Variants in NRG1 observed in about 807,000 individuals in gnomAD.
NRG1 encodes neuregulin 1.
NRG1 carries 18 observed loss-of-function variants against 63.8 expected under a neutral mutation model. The observed-to-expected ratio is 0.28, with a 90% CI of 0.19 to 0.42. The LOEUF (loss-of-function observed/expected upper bound fraction) is 0.42, where lower values mean the gene tolerates loss of function less well. NRG1 is among the 10% of genes least tolerant of loss of function. The probability of loss-of-function intolerance (pLI) is 1.00; values close to 1 mark genes in which losing one functional copy is unlikely to be tolerated. For synonymous variants in NRG1, 302 were observed against 301.3 expected (o/e 1.00, Z -0.02); for missense variants, 762 against 814.7 (o/e 0.94, Z 0.79).
At chr8:32,723,087 T>C (rs767162320) in intron 5 of NRG1, among the ~76,000 whole-genome samples, 3 of 152,188 alleles carry the variant, frequency 2.0e-5, no homozygotes, top group Non-Finnish European at 4.4e-5. Context: ...ATAGTAACAG[T>C]ATCATATATT....
At chr8:31,925,580 T>C (rs562091647) in intron 1 of NRG1, among the ~76,000 whole-genome samples, 2 of 152,260 alleles carry the variant, frequency 1.3e-5, no homozygotes, top group East Asian at 1.9e-4. Context: ...TATCTCTCCA[T>C]AGCTTTTGGG....
intron 1 of NRG1, among the ~76,000 whole-genome samples, chr8:32,001,491 G>A (rs1029361499): frequency 6.6e-6 from 1 of 151,956 alleles, no homozygotes; most frequent in African/African-American, 2.4e-5. Flanking sequence ...TCTTAGGTAA[G>A]TCTTTAATGG....
chr8:32,138,735 T>C (rs564445060), intron 1 of NRG1, among the ~76,000 whole-genome samples: 2 of 152,182 alleles, frequency 1.3e-5, no homozygotes, highest in East Asian at 3.9e-4. Context: ...GCTAACTTTC[T>C]TGTATTTTTT....
intron 1 of NRG1, among the ~76,000 whole-genome samples, chr8:32,253,785 C>A (rs1427213321): frequency 2.0e-5 from 3 of 152,124 alleles, no homozygotes; most frequent in Non-Finnish European, 4.4e-5. Context: ...CCTCTTTGTA[C>A]CTCTGGTAGA....
chr8:31,752,611 C>A (rs1586153988), intron 1 of NRG1, among the ~76,000 whole-genome samples: 1 of 152,034 alleles, frequency 6.6e-6, no homozygotes, highest in South Asian at 2.1e-4. Flanking sequence ...GAAGTCACAG[C>A]CGTTGGGATT....
intron 1 of NRG1, among the ~76,000 whole-genome samples, chr8:31,807,946 C>T (rs1189775137): frequency 4.3e-5 from 3 of 69,392 alleles, no homozygotes; most frequent in Admixed American, 1.6e-4. Context: ...CAAGAGTATT[C>T]GCGTGTGTGT....
At chr8:32,643,943 A>G (rs1852937249) in intron 5 of NRG1, among the ~76,000 whole-genome samples, 1 of 152,214 alleles carries the variant, frequency 6.6e-6, no homozygotes, top group African/African-American at 2.4e-5. Flanking sequence ...ATATAATCAA[A>G]TGCACCCTTT....
chr8:32,388,788 T>C (rs1217389162), intron 1 of NRG1, among the ~76,000 whole-genome samples: 1 of 152,086 alleles, frequency 6.6e-6, no homozygotes, highest in Non-Finnish European at 1.5e-5. Context: ...AAATTAGTAA[T>C]AATAAAAATC....
intron 1 of NRG1, among the ~76,000 whole-genome samples, chr8:32,094,414 A>G (rs553436536): frequency 1.3e-5 from 2 of 152,326 alleles, no homozygotes; most frequent in African/African-American, 4.8e-5. Context: ...CCTGCCCAGC[A>G]TGGCACCTTA....
chr8:31,865,632 C>G (rs1412235436), intron 1 of NRG1, among the ~76,000 whole-genome samples: 1 of 152,024 alleles, frequency 6.6e-6, no homozygotes, highest in African/African-American at 2.4e-5. Flanking sequence ...CTCCTTTGCT[C>G]GGCACTTCTT....
At chr8:32,754,593 G>T (rs893875541) in intron 8 of NRG1, 119 bp downstream of exon 8, 38 of 860,152 alleles carry the variant, frequency 4.4e-5, no homozygotes, top group Non-Finnish European at 6.7e-5. Flanking sequence ...AAAAGGAGGG[G>T]CAGGGGGAGA....
intron 1 of NRG1, among the ~76,000 whole-genome samples, chr8:32,120,683 G>A (rs935041805): frequency 6.6e-6 from 1 of 152,072 alleles, no homozygotes; most frequent in East Asian, 1.9e-4. Context: ...CTATGGATTT[G>A]GAGTGCATCA....
intron 5 of NRG1, among the ~76,000 whole-genome samples, chr8:32,634,739 A>G (rs983795938): frequency 6.6e-6 from 1 of 152,228 alleles, no homozygotes; most frequent in Non-Finnish European, 1.5e-5. Flanking sequence ...GCCCAACAAC[A>G]AAAACAATGA....
intron 1 of NRG1, among the ~76,000 whole-genome samples, chr8:31,679,725 T>A (rs779697040): frequency 1.3e-5 from 2 of 151,910 alleles, no homozygotes; most frequent in Non-Finnish European, 2.9e-5. Flanking sequence ...AACAATACAA[T>A]AAGAAAAAGA....
chr8:32,650,024 A>T (rs1189282300), intron 5 of NRG1, among the ~76,000 whole-genome samples: 1 of 152,244 alleles, frequency 6.6e-6, no homozygotes, highest in Non-Finnish European at 1.5e-5. Context: ...AAAGAAAAAA[A>T]TGCCCTTTGA....
chr8:32,435,495 T>C (rs191608033), intron 1 of NRG1, among the ~76,000 whole-genome samples: 1 of 152,288 alleles, frequency 6.6e-6, no homozygotes, highest in East Asian at 1.9e-4. Context: ...AGTTAGAGAA[T>C]AGAATTTTGC....
intron 1 of NRG1, among the ~76,000 whole-genome samples, chr8:31,799,558 T>C (rs1278356670): frequency 6.6e-6 from 1 of 152,110 alleles, no homozygotes; most frequent in East Asian, 1.9e-4. Context: ...TTCTTTCAGT[T>C]ATACACATAC....
At chr8:32,600,794 C>T (rs913918543) in intron 2 of NRG1, among the ~76,000 whole-genome samples, 1 of 152,080 alleles carries the variant, frequency 6.6e-6, no homozygotes, top group African/African-American at 2.4e-5. Context: ...CGAATTAACT[C>T]ATTTAATATT....
At chr8:32,158,454 T>TATATATATATATATATATATATATATAG (rs2131886754) in intron 1 of NRG1, among the ~76,000 whole-genome samples, 1 of 101,988 alleles carries the variant, frequency 9.8e-6, no homozygotes, top group South Asian at 2.7e-4. Context: ...ACATGATATA[T>TATATATATATATATATATATATATATAG]ATATATATAT....
Sources: gnomAD v4.1 joint callset for allele counts (sites outside exome capture counted in the v4.1 genomes callset) on GRCh38, gnomAD v4.1.1 for gene constraint, MANE v1.5 for transcripts, NCBI Gene and HGNC (gene_info 2026-07-23, HGNC 2026-07-21) for gene names.